Variants in SUV39H1 observed in about 807,000 individuals in gnomAD.
The protein encoded by SUV39H1 is SUV39H1 histone lysine methyltransferase, also known as histone-lysine N-methyltransferase SUV39H1.
For missense variants in SUV39H1, 180 were observed against 386.3 expected (o/e 0.47, Z 4.48); for synonymous variants, 141 against 150.5 (o/e 0.94, Z 0.46).
intron 3 of SUV39H1, among the ~76,000 whole-genome samples, chrX:48,703,331 T>C (rs2062480871): frequency 8.9e-6 from 1 of 111,982 alleles, no homozygotes; most frequent in Admixed American, 9.4e-5. Flanking sequence ...TTTACTTGAT[T>C]CTGTAGTGCC....
In SUV39H1 at chrX:48,707,725, G is replaced by A. The variant is rs1557010392; in HGVS notation, c.*155G>A. ...CTGCTCTACGTTCAGGGCTGTGGCC[G>A]TGGTGAGGACCGACTCCAGGAGTCC... On this transcript the variant is annotated 3_prime_UTR_variant, in exon 6 of 6. Transcript: ENST00000376687. The A allele has an allele frequency of 1.7e-5, 12 of 718,908 alleles. No individual in the cohort carries two copies. The highest frequency in any genetic ancestry group is 6.3e-5 in the African/African-American group (3 of 47,371). 59.2% of individuals were successfully genotyped at this position (718,908 alleles called of 1,213,427 possible). A position where few individuals can be genotyped will look rare whatever the true frequency, so the allele number is the denominator to read the frequency against.
At chrX:48,695,914 T>C (rs782713840), upstream of SUV39H1, 27 of 1,150,923 alleles carry the variant, frequency 2.3e-5, no homozygotes, top group South Asian at 4.6e-4. Flanking sequence ...CTGTGACTAT[T>C]TGCTTTGAGG....
chrX:48,708,091 G>A lies in SUV39H1; in HGVS notation c.*521G>A, dbSNP rs1557010463. The A allele has an allele frequency of 1.4e-5, 3 of 216,310 alleles. No individual in the cohort carries two copies. Among genetic ancestry groups the A allele is most frequent in the Non-Finnish European group, 2.5e-5 (3 of 117,760 alleles). The allele number at this position is 216,310 out of a possible 1,213,427, so 17.8% of individuals were successfully genotyped here. A position where few individuals can be genotyped will look rare whatever the true frequency, so the allele number is the denominator to read the frequency against. On this transcript the variant is annotated 3_prime_UTR_variant, in exon 6 of 6. Transcript: ENST00000376687. ...ACTAGTGAAAGAAAGGGGGTCCCTG[G>A]GCTACGGGCTGAGGCTGGTTTCTGC...
rs1557008875 is a variant in SUV39H1 at position 48,697,724 on chromosome X, T to C, written c.19+921T>C. Reference sequence around the variant, plus strand: ...TTTTTGCAATGGGAGGCAGAAAATATTAAACATTTTAAAAAGATGATATAG... The same window carrying C: ...TTTTTGCAATGGGAGGCAGAAAATACTAAACATTTTAAAAAGATGATATAG... On this transcript the variant is annotated intron_variant, in intron 1 of 5. Transcript: ENST00000376687. 5.3e-5 allele frequency among the ~76,000 whole-genome samples: 6 copies of C among 112,165 alleles called. No individual in the cohort carries two copies. The South Asian group carries it at 2.2e-3, about 41-fold the overall frequency.
Position 48,700,390 on chromosome X carries a change from C to G in SUV39H1, c.465C>G (p.Gly155=), listed in dbSNP as rs1333699814. 1.5e-5 allele frequency: 18 copies of G among 1,212,084 alleles called. No individual in the cohort carries two copies. The highest frequency in any genetic ancestry group is 1.9e-5 in the Non-Finnish European group (17 of 895,553). Residue 155 remains glycine, a synonymous_variant, in exon 3 of 6, where the codon GGC becomes GGG. Transcript: ENST00000376687. ...ITVENEVDLD[G]PPRAFVYINE... ...TAGAGAATGAGGTGGACCTGGACGG[C>G]CCTCCGCGGGCCTTCGTGTACATCA...
Position 48,707,698 on chromosome X carries a change from A to G in SUV39H1, c.*128A>G. On this transcript the variant is annotated 3_prime_UTR_variant, in exon 6 of 6. Transcript: ENST00000376687. ...CCTCCACCTGCCCCCACCTGCTCCT[A>G]CCTGCTCTACGTTCAGGGCTGTGGC... is the stretch of plus-strand genomic sequence containing the variant. The G allele has an allele frequency of 3.5e-6, 3 of 857,674 alleles. No individual in the cohort carries two copies. Among genetic ancestry groups the G allele is most frequent in the Non-Finnish European group, 5.0e-6 (3 of 595,103 alleles). The allele number at this position is 857,674 out of a possible 1,213,427, so 70.7% of individuals were successfully genotyped here.
rs782014397 is a variant in SUV39H1 at position 48,699,115 on chromosome X, T to A, written c.165+68T>A. ...AGGAAGTTAGTGTCCTGCCCTCTTG[T>A]CCCCAACTGCCCACATCTGTTTCCA... is the stretch of plus-strand genomic sequence containing the variant. On this transcript the variant is annotated intron_variant, in intron 2 of 5. Transcript: ENST00000376687. 1.1e-3 allele frequency: 1,165 copies of A among 1,086,377 alleles called. 6 individuals are homozygous for A. Among genetic ancestry groups the A allele is most frequent in the Admixed American group, 8.9e-4 (32 of 35,786 alleles). 89.5% of individuals were successfully genotyped at this position (1,086,377 alleles called of 1,213,427 possible). A position where few individuals can be genotyped will look rare whatever the true frequency, so the allele number is the denominator to read the frequency against.
chrX:48,696,375 T>C (rs782538773), upstream of SUV39H1, among the ~76,000 whole-genome samples: 9 of 112,044 alleles, frequency 8.0e-5, no homozygotes, highest in African/African-American at 9.7e-5. Context: ...CTAGTCCACC[T>C]GGGAGCCCCG....
In SUV39H1 at chrX:48,700,285, G is replaced by A. The variant is rs782775580; in HGVS notation, c.360G>A (p.Gln120=). 7.4e-6 allele frequency: 9 copies of A among 1,210,030 alleles called. No homozygotes were observed. Among genetic ancestry groups the A allele is most frequent in the Non-Finnish European group, 1.0e-5 (9 of 894,516 alleles). ...CAAGCTTGGCCAACTACCTGGTGCA[G>A]AAGGCCAAGCAGAGGCGGGCGCTCC... ...LDPSLANYLV[Q]KAKQRRALRR... Residue 120 remains glutamine, a synonymous_variant, in exon 3 of 6, where the codon CAG becomes CAA. Coordinates refer to ENST00000376687, the MANE Select transcript of SUV39H1 (RefSeq NM_003173.4).
chrX:48,704,940 G>A (rs2062486192), intron 3 of SUV39H1, among the ~76,000 whole-genome samples: 1 of 112,087 alleles, frequency 8.9e-6, no homozygotes, highest in Non-Finnish European at 1.9e-5. Flanking sequence ...AAAAACCCTG[G>A]CAAGGGAGCC....
Position 48,707,797 on chromosome X carries a change from C to T in SUV39H1, c.*227C>T, listed in dbSNP as rs782095030. The stretch of plus-strand genomic sequence containing the variant: ...TCTGTGGGTTGCACTTACAAACCCC[C>T]ACCCACCTTCAGAAATAGTTTTTCA... On this transcript the variant is annotated 3_prime_UTR_variant, in exon 6 of 6. Coordinates refer to ENST00000376687, the MANE Select transcript of SUV39H1 (RefSeq NM_003173.4). 1.0e-5 allele frequency: 5 copies of T among 488,283 alleles called. No individual in the cohort carries two copies. The highest frequency in any genetic ancestry group is 2.5e-5 in the South Asian group (1 of 39,508). The allele number at this position is 488,283 out of a possible 1,213,427, so 40.2% of individuals were successfully genotyped here.
intron 3 of SUV39H1, among the ~76,000 whole-genome samples, chrX:48,704,375 A>G (rs2062484337): frequency 9.0e-6 from 1 of 111,328 alleles, no homozygotes; most frequent in Admixed American, 9.5e-5. Context: ...AGGAGGGCCT[A>G]CGGTGAAAAA....
At chrX:48,706,937 A>G (rs1027149706) in intron 5 of SUV39H1, among the ~76,000 whole-genome samples, 16 of 103,963 alleles carry the variant, frequency 1.5e-4, no homozygotes, top group Non-Finnish European at 2.8e-4. Flanking sequence ...GCCCCTCCCC[A>G]CTCCTAGCTC....
chrX:48,696,510 G>A, upstream of SUV39H1: 1 of 287,698 alleles, frequency 3.5e-6, no homozygotes, highest in Non-Finnish European at 6.1e-6. Flanking sequence ...AGACAGACCA[G>A]CGCACGGGCA....
intron 3 of SUV39H1, chrX:48,701,025 G>A (rs1272971863): frequency 2.4e-6 from 1 of 418,673 alleles, no homozygotes; most frequent in Non-Finnish European, 4.3e-6. Context: ...AGAAAAGTGG[G>A]AGCTGAGATC....
At chrX:48,702,941 TGGAC>T (rs2062479673) in intron 3 of SUV39H1, among the ~76,000 whole-genome samples, 1 of 111,011 alleles carries the variant, frequency 9.0e-6, no homozygotes, top group Non-Finnish European at 1.9e-5. Context: ...GTTAGGAGGG[TGGAC>T]TCTGGATCCT....
Position 48,696,783 on chromosome X carries a change from A to G in SUV39H1, c.-2A>G. Reference sequence around the variant, plus strand: ...CCCGAATGTCGTTAGCCGTGGGGAAAGATGGCGGAAAATTTAAAAGGTGAA... The same window carrying G: ...CCCGAATGTCGTTAGCCGTGGGGAAGGATGGCGGAAAATTTAAAAGGTGAA... On this transcript the variant is annotated 5_prime_UTR_variant, in exon 1 of 6. Transcript: ENST00000376687. The G allele has an allele frequency of 8.8e-7, 1 of 1,139,719 alleles. No homozygotes were observed. Among genetic ancestry groups the G allele is most frequent in the Non-Finnish European group, 1.2e-6 (1 of 861,017 alleles). The allele number at this position is 1,139,719 out of a possible 1,213,427, so 93.9% of individuals were successfully genotyped here. A position where few individuals can be genotyped will look rare whatever the true frequency, so the allele number is the denominator to read the frequency against.
At chrX:48,699,371 C>A (rs1348715887) in intron 2 of SUV39H1, among the ~76,000 whole-genome samples, 1 of 111,228 alleles carries the variant, frequency 9.0e-6, no homozygotes, top group Non-Finnish European at 1.9e-5. Flanking sequence ...GTGTGCCAGG[C>A]GTTTCCTCTC....
rs782616486 is a variant in SUV39H1 at position 48,707,712 on chromosome X, C to T, written c.*142C>T. 1.9e-5 allele frequency: 15 copies of T among 795,108 alleles called. No individual in the cohort carries two copies. The highest frequency in any genetic ancestry group is 2.6e-5 in the Non-Finnish European group (14 of 540,965). 65.5% of individuals were successfully genotyped at this position (795,108 alleles called of 1,213,427 possible). On this transcript the variant is annotated 3_prime_UTR_variant, in exon 6 of 6. Transcript: ENST00000376687. ...CACCTGCTCCTACCTGCTCTACGTT[C>T]AGGGCTGTGGCCGTGGTGAGGACCG...
Sources: gnomAD v4.1 joint callset for allele counts (sites outside exome capture counted in the v4.1 genomes callset) on GRCh38, gnomAD v4.1.1 for gene constraint, MANE v1.5 for transcripts, NCBI Gene and HGNC (gene_info 2026-07-23, HGNC 2026-07-21) for gene names.